Variants in CSMD1 observed in about 807,000 individuals in gnomAD.
CSMD1 encodes CUB and Sushi multiple domains 1, also known as CUB and sushi domain-containing protein 1.
In CSMD1, 213 loss-of-function variants were observed where a neutral mutation model predicts 417.5. The observed-to-expected ratio is 0.51, with a 90% confidence interval of 0.46 to 0.57. CSMD1 has a LOEUF of 0.57. Among genes scored for constraint, CSMD1 ranks in the 20% least tolerant of loss-of-function variants. The probability of loss-of-function intolerance (pLI) is 0.00; values close to 1 mark genes in which losing one functional copy is unlikely to be tolerated. For missense variants in CSMD1, 6,923 were observed against 4,529.7 expected (o/e 1.53, Z -15.17); for synonymous variants, 2,862 against 1,736.8 (o/e 1.65, Z -16.11).
At chr8:4,287,815 G>A (rs1254021181) in intron 3 of CSMD1, among the ~76,000 whole-genome samples, 2 of 151,948 alleles carry the variant, frequency 1.3e-5, no homozygotes, top group Admixed American at 6.6e-5. Flanking sequence ...CCTCTCTGTG[G>A]CCCACTGAAT....
At chr8:3,455,757 C>G (rs918111512) in intron 12 of CSMD1, among the ~76,000 whole-genome samples, 3 of 152,234 alleles carry the variant, frequency 2.0e-5, no homozygotes, top group East Asian at 1.9e-4. Flanking sequence ...ACTCAGGGGT[C>G]AGGGACCCAC....
At chr8:2,975,894 C>G (rs961826262) in intron 55 of CSMD1, among the ~76,000 whole-genome samples, 3 of 152,218 alleles carry the variant, frequency 2.0e-5, no homozygotes, top group African/African-American at 4.8e-5. Context: ...CTCCTGGAGA[C>G]TTGAGGAACA....
At chr8:4,699,884 C>G (rs552464766) in intron 1 of CSMD1, among the ~76,000 whole-genome samples, 1 of 152,174 alleles carries the variant, frequency 6.6e-6, no homozygotes, top group East Asian at 1.9e-4. Context: ...CAAAGTTTTT[C>G]AGATATAATG....
chr8:4,675,031 C>T (rs1189584930), intron 1 of CSMD1, among the ~76,000 whole-genome samples: 2 of 152,192 alleles, frequency 1.3e-5, no homozygotes, highest in African/African-American at 4.8e-5. Flanking sequence ...AAACTGGCTG[C>T]ACCTTAGTGT....
chr8:3,284,148 G>A lies in CSMD1; in HGVS notation c.4149C>T (p.Phe1383=). 6.4e-7 allele frequency: 1 copy of A among 1,561,510 alleles called. No individual in the cohort carries two copies. Among genetic ancestry groups the A allele is most frequent in the South Asian group, 1.2e-5 (1 of 84,852 alleles). ...FISKSGFSIQ[F]STSIAATCND... is the part of the protein sequence containing the mutation. Reference sequence around the variant, plus strand: ...GAAGCACGCTGTGCCACCTACTGGAGAACTGGATGGAGAAGCCAGACTTGC... The same window carrying A: ...GAAGCACGCTGTGCCACCTACTGGAAAACTGGATGGAGAAGCCAGACTTGC... The change falls in exon 26 of 70, where the codon TTC becomes TTT. Residue 1383 remains phenylalanine (F), a synonymous_variant. Coordinates refer to ENST00000635120, the MANE Select transcript of CSMD1 (RefSeq NM_033225.6).
At chr8:4,142,078 C>A (rs916322683) in intron 3 of CSMD1, among the ~76,000 whole-genome samples, 15 of 141,578 alleles carry the variant, frequency 1.1e-4, no homozygotes, top group Admixed American at 4.3e-4. Flanking sequence ...AAAATAACTC[C>A]ATACTGGAAC....
intron 41 of CSMD1, among the ~76,000 whole-genome samples, chr8:3,120,803 C>T (rs1009124746): frequency 1.3e-5 from 2 of 152,012 alleles, no homozygotes; most frequent in East Asian, 1.9e-4. Flanking sequence ...GCCGAGATCA[C>T]GCCACTGCAC....
intron 6 of CSMD1, among the ~76,000 whole-genome samples, chr8:3,729,343 C>A (rs866006866): frequency 6.6e-6 from 1 of 152,126 alleles, no homozygotes; most frequent in East Asian, 1.9e-4. Context: ...TGAGACTTTG[C>A]CAGTCTAGCT....
chr8:4,923,116 A>G (rs564285492), intron 1 of CSMD1, among the ~76,000 whole-genome samples: 18 of 152,342 alleles, frequency 1.2e-4, no homozygotes, highest in African/African-American at 4.1e-4. Flanking sequence ...CAATTATACT[A>G]GCATGGAATT....
chr8:4,073,562 A>C (rs1563087634), intron 3 of CSMD1, among the ~76,000 whole-genome samples: 1 of 152,144 alleles, frequency 6.6e-6, no homozygotes, highest in South Asian at 2.1e-4. Context: ...CATGCTATTA[A>C]TCCTACAGTA....
chr8:4,269,845 C>T (rs997055199), intron 3 of CSMD1, among the ~76,000 whole-genome samples: 1 of 152,086 alleles, frequency 6.6e-6, no homozygotes, highest in Non-Finnish European at 1.5e-5. Flanking sequence ...CTATCCTTCC[C>T]CTACAAAATG....
intron 11 of CSMD1, among the ~76,000 whole-genome samples, chr8:3,481,627 T>C (rs1266211099): frequency 1.3e-5 from 2 of 152,168 alleles, no homozygotes; most frequent in Non-Finnish European, 2.9e-5. Flanking sequence ...TTGTCCTGAA[T>C]GATGTAGGTG....
chr8:3,921,990 T>G (rs901618264), intron 5 of CSMD1, among the ~76,000 whole-genome samples: 4 of 152,166 alleles, frequency 2.6e-5, no homozygotes, highest in African/African-American at 9.7e-5. Context: ...GCATTAAAGT[T>G]CCATACTGTT....
intron 11 of CSMD1, among the ~76,000 whole-genome samples, chr8:3,471,899 C>T (rs1335608426): frequency 6.6e-6 from 1 of 152,102 alleles, no homozygotes; most frequent in African/African-American, 2.4e-5. Flanking sequence ...CATGTTAATA[C>T]ACACATGGCA....
chr8:3,863,216 G>T (rs1362595418), intron 5 of CSMD1, among the ~76,000 whole-genome samples: 3 of 152,026 alleles, frequency 2.0e-5, no homozygotes, highest in Admixed American at 2.0e-4. Flanking sequence ...GGCCAACATA[G>T]TGAAACCCCA....
At position 3,307,667 on chromosome 8, in the gene CSMD1, A is replaced by G. The variant is rs377746785; in HGVS notation, c.3950+28T>C. ...ATAGAAGGCATATCTCTTTTCTCAA[A>G]TCACTGAAACCAAAATAAAACAAGT... On this transcript the variant is annotated intron_variant, in intron 25 of 69. Coordinates refer to ENST00000635120, the MANE Select transcript of CSMD1 (RefSeq NM_033225.6). The G allele has an allele frequency of 5.3e-5, 85 of 1,608,284 alleles. 1 individual carries two copies. The South Asian group carries it at 8.6e-4, about 16-fold the overall frequency.
intron 1 of CSMD1, among the ~76,000 whole-genome samples, chr8:4,818,502 T>C (rs1799334106): frequency 6.6e-6 from 1 of 152,178 alleles, no homozygotes; most frequent in Non-Finnish European, 1.5e-5. Context: ...TTAGCATACA[T>C]TAAATACATA....
At chr8:3,867,918 G>A (rs1274618283) in intron 5 of CSMD1, among the ~76,000 whole-genome samples, 9 of 152,044 alleles carry the variant, frequency 5.9e-5, no homozygotes, top group East Asian at 1.9e-4. Context: ...TCCGCCTCCT[G>A]CCTGGACACC....
chr8:4,581,412 T>G (rs1312451003), intron 2 of CSMD1, among the ~76,000 whole-genome samples: 1 of 152,226 alleles, frequency 6.6e-6, no homozygotes, highest in Admixed American at 6.5e-5. Context: ...ACTCCAATTT[T>G]TATCTTTTTG....
Sources: gnomAD v4.1 joint callset for allele counts (sites outside exome capture counted in the v4.1 genomes callset) on GRCh38, gnomAD v4.1.1 for gene constraint, MANE v1.5 for transcripts, NCBI Gene and HGNC (gene_info 2026-07-23, HGNC 2026-07-21) for gene names.